RBBP4: variants seen among roughly 807,000 people sequenced by gnomAD.
The protein encoded by RBBP4 is histone-binding protein RBBP4.
RBBP4 carries 3 observed loss-of-function variants against 57.2 expected under a neutral mutation model. The observed-to-expected ratio is 0.05, with a 90% CI of 0.02 to 0.14. The LOEUF (loss-of-function observed/expected upper bound fraction) is 0.14. Among genes scored for constraint, RBBP4 ranks in the 10% least tolerant of loss-of-function variants. RBBP4 has a pLI of 1.00. For missense variants in RBBP4, 107 were observed against 520.6 expected (o/e 0.21, Z 7.73); for synonymous variants, 151 against 171.5 (o/e 0.88, Z 0.93).
At chr1:32,663,701 C>T (rs934087532) in intron 3 of RBBP4, among the ~76,000 whole-genome samples, 15 of 151,882 alleles carry the variant, frequency 9.9e-5, no homozygotes, top group African/African-American at 3.6e-4. Context: ...CTCAGGCTCC[C>T]GAGTAGCTGG....
Position 32,682,706 on chromosome 1 carries a change from G to A in RBBP4, c.*3001G>A, listed in dbSNP as rs948368570. The A allele has an allele frequency of 2.0e-5, 3 of 151,808 alleles. No individual in the cohort carries two copies. The highest frequency in any genetic ancestry group is 7.3e-5 in the African/African-American group (3 of 41,290). 9.4% of individuals were successfully genotyped at this position (151,808 alleles called of 1,614,324 possible). ...AAATCACTTGAACCCAGGAGGTGGA[G>A]GTTGCAGTGAACTGAGACCGTGCCA... is the stretch of plus-strand genomic sequence containing the variant. On this transcript the variant is annotated 3_prime_UTR_variant, in exon 12 of 12. Transcript: ENST00000373493.
intron 2 of RBBP4, among the ~76,000 whole-genome samples, chr1:32,653,903 C>T (rs1181932975): frequency 5.3e-5 from 8 of 151,826 alleles, no homozygotes; most frequent in Non-Finnish European, 1.0e-4. Flanking sequence ...CATGATCCAC[C>T]CGCCTCGGCC....
rs952494479 is a variant in RBBP4 at position 32,680,168 on chromosome 1, C to T, written c.*463C>T. 53 of 1,058,712 alleles carry T rather than the reference C, an allele frequency of 5.0e-5. No individual in the cohort carries two copies. In the East Asian group the frequency reaches 2.6e-3, roughly 53 times the overall value. The allele number at this position is 1,058,712 out of a possible 1,614,324, so 65.6% of individuals were successfully genotyped here. ...ATAGATTCCTACTCGAAAATCTTGACACCTGACTTTCCAGGATGCACATTT... is the reference window on the plus strand; with the variant it reads ...ATAGATTCCTACTCGAAAATCTTGATACCTGACTTTCCAGGATGCACATTT... On this transcript the variant is annotated 3_prime_UTR_variant, in exon 12 of 12. Coordinates refer to ENST00000373493, the MANE Select transcript of RBBP4 (RefSeq NM_005610.3).
chr1:32,670,240 G>C (rs968447180), intron 8 of RBBP4, among the ~76,000 whole-genome samples: 1 of 152,128 alleles, frequency 6.6e-6, no homozygotes, highest in Non-Finnish European at 1.5e-5. Flanking sequence ...TTTCAGCCTT[G>C]TTTCTGACAC....
chr1:32,658,608 G>A (rs911404776), intron 3 of RBBP4, among the ~76,000 whole-genome samples: 7 of 148,942 alleles, frequency 4.7e-5, no homozygotes, highest in Non-Finnish European at 8.9e-5. Flanking sequence ...GTGCAGTGGC[G>A]CGATCTCAGT....
chr1:32,672,966 G>C (rs751365239), intron 11 of RBBP4, 65 bp downstream of exon 11: 6 of 1,310,438 alleles, frequency 4.6e-6, no homozygotes, highest in Non-Finnish European at 6.5e-6. Flanking sequence ...ATTTACATTT[G>C]TATATTTTAT....
intron 3 of RBBP4, among the ~76,000 whole-genome samples, chr1:32,658,229 G>A (rs945663205): frequency 6.6e-6 from 1 of 152,054 alleles, no homozygotes; most frequent in Admixed American, 6.6e-5. Flanking sequence ...GTGAGTAGGT[G>A]TAAATAATCT....
chr1:32,672,611 T>A (rs770395193), intron 9 of RBBP4, 31 bp from the exon 10 acceptor site: 8 of 1,610,932 alleles, frequency 5.0e-6, no homozygotes, highest in Non-Finnish European at 5.1e-6. Context: ...GTAAATCTGT[T>A]TTAACTTTTA....
chr1:32,684,551 GA>G lies in RBBP4; in HGVS notation c.*4853del. 1.1e-5 allele frequency: 10 copies of G among 943,854 alleles called. No individual in the cohort carries two copies. The highest frequency in any genetic ancestry group is 3.6e-5 in the South Asian group (2 of 54,894). The allele number at this position is 943,854 out of a possible 1,614,324, so 58.5% of individuals were successfully genotyped here. ...ACAGGTTCAAAGAAGTTGTGTCTTG[GA>G]AAAAAAGTGACAATGCTTTTGAAAA... On this transcript the variant is annotated 3_prime_UTR_variant, in exon 12 of 12. Coordinates refer to ENST00000373493, the MANE Select transcript of RBBP4 (RefSeq NM_005610.3).
chr1:32,668,166 C>A, intron 3 of RBBP4, 59 bp from the exon 4 acceptor site: 1 of 1,484,844 alleles, frequency 6.7e-7, no homozygotes, highest in Non-Finnish European at 9.2e-7. Flanking sequence ...TTCTTATACT[C>A]TGGGTAACCT....
Position 32,671,759 on chromosome 1 carries a change from G to T in RBBP4, c.967-691G>T, listed in dbSNP as rs557471748. Among the ~76,000 whole-genome samples the T allele has an allele frequency of 8.6e-5, 13 of 151,600 alleles. No homozygotes were observed. In the South Asian group the frequency reaches 2.7e-3, roughly 32 times the overall value. ...AATACAAAAATTAGCTGGCCGTGGTGGCGGACACCTGTAATCCCAGCTACC... is the reference window on the plus strand; with the variant it reads ...AATACAAAAATTAGCTGGCCGTGGTTGCGGACACCTGTAATCCCAGCTACC... On this transcript the variant is annotated intron_variant, in intron 8 of 11. Coordinates refer to ENST00000373493, the MANE Select transcript of RBBP4 (RefSeq NM_005610.3).
intron 2 of RBBP4, among the ~76,000 whole-genome samples, chr1:32,655,965 T>G (rs1429623036): frequency 6.6e-6 from 1 of 152,138 alleles, no homozygotes; most frequent in East Asian, 1.9e-4. Flanking sequence ...GGAGTAGATG[T>G]GAGAATTTGC....
At chr1:32,679,524 G>A in intron 11 of RBBP4, 116 bp from the exon 12 acceptor site, 1 of 857,604 alleles carries the variant, frequency 1.2e-6, no homozygotes. Flanking sequence ...CACAGATTGT[G>A]TGGCCCAAAA....
chr1:32,672,930 G>A, intron 11 of RBBP4, 29 bp downstream of exon 11: 2 of 1,507,250 alleles, frequency 1.3e-6, no homozygotes, highest in South Asian at 1.1e-5. Flanking sequence ...ATTTTGGGGA[G>A]GTGAAATAAG....
chr1:32,660,184 C>T (rs1648339147), intron 3 of RBBP4, among the ~76,000 whole-genome samples: 1 of 152,154 alleles, frequency 6.6e-6, no homozygotes, highest in Non-Finnish European at 1.5e-5. Flanking sequence ...CTTCTCCACC[C>T]AATAAATAGG....
intron 8 of RBBP4, among the ~76,000 whole-genome samples, chr1:32,670,095 G>A (rs1386629955): frequency 1.3e-5 from 2 of 152,150 alleles, no homozygotes; most frequent in Non-Finnish European, 2.9e-5. Context: ...GGTAGCTTAT[G>A]CCTGTAATCC....
At chr1:32,670,645 T>C (rs1249580747) in intron 8 of RBBP4, among the ~76,000 whole-genome samples, 1 of 152,108 alleles carries the variant, frequency 6.6e-6, no homozygotes, top group Non-Finnish European at 1.5e-5. Flanking sequence ...CAATCTCGGC[T>C]CACTGCAACC....
chr1:32,683,264 C>CAAAA lies in RBBP4; in HGVS notation c.*3577_*3580dup, dbSNP rs35935907. On this transcript the variant is annotated 3_prime_UTR_variant, in exon 12 of 12. Transcript: ENST00000373493. The stretch of plus-strand genomic sequence containing the variant: ...CTGGCAACAGAGCAAGACTCCGTCT[C>CAAAA]AAAAAAAAAAAAAAAAAAAAAGAGT... 1 of 89,240 alleles carries CAAAA rather than the reference C, an allele frequency of 1.1e-5. No homozygotes were observed. Among genetic ancestry groups the CAAAA allele is most frequent in the African/African-American group, 3.9e-5 (1 of 25,400 alleles). The allele number at this position is 89,240 out of a possible 1,614,324, so 5.5% of individuals were successfully genotyped here. A position where few individuals can be genotyped will look rare whatever the true frequency, so the allele number is the denominator to read the frequency against.
intron 3 of RBBP4, among the ~76,000 whole-genome samples, chr1:32,658,361 T>TAA (rs59613858): frequency 0.076 from 10,732 of 141,960 alleles, 1,190 homozygotes; most frequent in African/African-American, 0.24. Flanking sequence ...GGAGCAATAG[T>TAA]AAAAAAAAAA....
Sources: allele counts gnomAD v4.1 joint callset (sites outside exome capture counted in the v4.1 genomes callset), GRCh38; gene constraint gnomAD v4.1.1; transcripts MANE v1.5; gene names NCBI Gene and HGNC (gene_info 2026-07-23, HGNC 2026-07-21).